OGT: variants seen among roughly 807,000 people sequenced by gnomAD.
OGT encodes O-linked N-acetylglucosamine (GlcNAc) transferase, also known as UDP-N-acetylglucosamine--peptide N-acetylglucosaminyltransferase 110 kDa subunit.
OGT carries 3 observed loss-of-function variants against 75.8 expected under a neutral mutation model. The observed-to-expected ratio is 0.04, with a 90% CI of 0.02 to 0.10. The LOEUF (loss-of-function observed/expected upper bound fraction) is 0.10, where lower values mean the gene tolerates loss of function less well. Among genes scored for constraint, OGT ranks in the 10% least tolerant of loss-of-function variants. The pLI is 1.00. For missense variants in OGT, 260 were observed against 824.4 expected (o/e 0.32, Z 8.38); for synonymous variants, 257 against 289.7 (o/e 0.89, Z 1.15).
chrX:71,563,299 C>G (rs1220532599), intron 17 of OGT, 30 bp from the exon 18 acceptor site: 1 of 1,202,529 alleles, frequency 8.3e-7, no homozygotes, highest in African/African-American at 1.8e-5. Flanking sequence ...CATTCACGAT[C>G]TTTTCCCTAA....
intron 1 of OGT, 118 bp from the exon 2 acceptor site, chrX:71,536,060 A>T (rs2040173495): frequency 1.8e-6 from 1 of 556,397 alleles, no homozygotes. Flanking sequence ...TGCTTTACAT[A>T]GTTTCAAGCA....
chrX:71,553,655 G>C (rs1234187252), intron 5 of OGT: 3 of 108,624 alleles, frequency 2.8e-5, no homozygotes, highest in African/African-American at 1.0e-4. Flanking sequence ...GGTAATTTTT[G>C]TATTTTTAGT....
chrX:71,571,308 A>G (rs901573419), intron 21 of OGT, among the ~76,000 whole-genome samples: 2 of 111,966 alleles, frequency 1.8e-5, no homozygotes, highest in Non-Finnish European at 3.8e-5. Context: ...TCATCTGCCA[A>G]TCCATCTTAT....
At chrX:71,568,883 A>C (rs768862689) in intron 21 of OGT, among the ~76,000 whole-genome samples, 1 of 111,313 alleles carries the variant, frequency 9.0e-6, no homozygotes, top group Non-Finnish European at 1.9e-5. Context: ...AACAAACAAA[A>C]AAAACCAAAA....
chrX:71,567,811 G>A (rs2040426078), intron 20 of OGT, 59 bp downstream of exon 20: 2 of 1,127,531 alleles, frequency 1.8e-6, no homozygotes, highest in South Asian at 2.1e-5. Context: ...TCCGTTTGGG[G>A]GAGAAACTTC....
intron 7 of OGT, 94 bp downstream of exon 7, chrX:71,555,479 C>A: frequency 1.2e-6 from 1 of 805,385 alleles, no homozygotes; most frequent in Non-Finnish European, 1.8e-6. Context: ...GCCAGCACTT[C>A]GGGAGGCCGA....
chrX:71,534,740 C>G (rs1331772552), intron 1 of OGT, among the ~76,000 whole-genome samples: 1 of 111,673 alleles, frequency 9.0e-6, no homozygotes, highest in East Asian at 2.8e-4. Flanking sequence ...AGAAAGCTGT[C>G]GTTTCAAGTG....
chrX:71,549,107 C>T (rs2040282568), intron 5 of OGT, among the ~76,000 whole-genome samples: 2 of 107,190 alleles, frequency 1.9e-5, no homozygotes, highest in Non-Finnish European at 3.8e-5. Flanking sequence ...GAGTTGAAAA[C>T]CAGCCTGGAC....
At chrX:71,570,941 A>C (rs1247561457) in intron 21 of OGT, among the ~76,000 whole-genome samples, 1 of 106,163 alleles carries the variant, frequency 9.4e-6, no homozygotes, top group Non-Finnish European at 1.9e-5. Flanking sequence ...CTACAGGCAC[A>C]TGCCACCATG....
intron 14 of OGT, among the ~76,000 whole-genome samples, chrX:71,561,221 C>T (rs992914500): frequency 2.7e-5 from 3 of 110,886 alleles, no homozygotes; most frequent in Non-Finnish European, 5.7e-5. Context: ...AGCCACCATG[C>T]CCGGCCTACT....
In OGT at chrX:71,555,950, C is replaced by G. The variant is rs1569427900; in HGVS notation, c.925-4C>G. ...GTTTTTGAAGACTTTGTTTTGTTTTCTAGGTTGCTGAAGCAGAAGATTGTT... is the reference window on the plus strand; with the variant it reads ...GTTTTTGAAGACTTTGTTTTGTTTTGTAGGTTGCTGAAGCAGAAGATTGTT... On this transcript the variant is annotated splice_region_variant and splice_polypyrimidine_tract_variant and intron_variant, in intron 7 of 21. Transcript: ENST00000373719. The G allele has an allele frequency of 8.3e-7, 1 of 1,208,099 alleles. No individual in the cohort carries two copies. The highest frequency in any genetic ancestry group is 1.7e-5 in the African/African-American group (1 of 57,198).
In OGT at chrX:71,563,369, A is replaced by G; in HGVS notation, c.2306A>G (p.Asn769Ser). 1 of 1,207,968 alleles carries G rather than the reference A, an allele frequency of 8.3e-7. No homozygotes were observed. The change falls in exon 18 of 22, where the codon AAC (asparagine) becomes AGC (serine). Residue 769 changes from asparagine to serine, a missense_variant. By Grantham distance (46) the Asn-to-Ser change is conservative (BLOSUM62 1). This residue lies in a region of OGT where 79 missense variants were observed against 141.0 expected (regional missense o/e 0.56). Coordinates refer to ENST00000373719, the MANE Select transcript of OGT (RefSeq NM_181672.3). ...PDGGDNADSSNTALNMPVIPM... is the reference protein window; with the variant it reads ...PDGGDNADSSSTALNMPVIPM... ...GGAGGAGACAATGCAGATAGCAGTA[A>G]CACAGCTCTTAATATGCCTGTTATT...
intron 2 of OGT, chrX:71,536,671 C>T (rs2040177904): frequency 5.4e-6 from 1 of 186,470 alleles, no homozygotes; most frequent in African/African-American, 3.0e-5. Context: ...GTCTCCCTTT[C>T]ATGAGACCTG....
intron 7 of OGT, 34 bp from the exon 8 acceptor site, chrX:71,555,920 G>A (rs2040340422): frequency 8.3e-7 from 1 of 1,204,307 alleles, no homozygotes; most frequent in Non-Finnish European, 1.1e-6. Context: ...TTATGATTCT[G>A]TACAGTTTTT....
rs759350075 is a variant in OGT at position 71,544,354 on chromosome X, C to T, written c.463-213C>T. ...AATTCTATAAATAGTTTCATGTCAC[C>T]TCAAGTCAGGTTTAACCCTCAAATG... On this transcript the variant is annotated intron_variant, in intron 3 of 21. Transcript: ENST00000373719. 4.5e-5 allele frequency among the ~76,000 whole-genome samples: 5 copies of T among 111,883 alleles called. No individual in the cohort carries two copies. The East Asian group carries it at 1.1e-3, about 25-fold the overall frequency.
At chrX:71,566,139 A>G (rs2040415105) in intron 19 of OGT, among the ~76,000 whole-genome samples, 1 of 111,884 alleles carries the variant, frequency 8.9e-6, no homozygotes, top group Non-Finnish European at 1.9e-5. Flanking sequence ...TTTTATGTTT[A>G]GAGGAGAGGG....
In OGT at chrX:71,562,972, C is replaced by T. The variant is rs141039391; in HGVS notation, c.2103C>T (p.His701=). 1 of 1,208,513 alleles carries T rather than the reference C, an allele frequency of 8.3e-7. No homozygotes were observed. Among genetic ancestry groups the T allele is most frequent in the East Asian group, 3.0e-5 (1 of 33,727 alleles). ...QYSEKLAYMP[H]TFFIGDHANM... ...CCGAGAAATTGGCTTATATGCCCCA[C>T]ACTTTTTTTATTGGTGATCATGCTA... The change falls in exon 16 of 22, where the codon CAC becomes CAT. Residue 701 remains histidine (H), a synonymous_variant. Coordinates refer to ENST00000373719, the MANE Select transcript of OGT (RefSeq NM_181672.3).
intron 1 of OGT, among the ~76,000 whole-genome samples, chrX:71,533,960 G>A (rs952062594): frequency 9.0e-6 from 1 of 111,489 alleles, no homozygotes. Flanking sequence ...TCGGTTGAGC[G>A]GTCCCGGTTT....
chrX:71,533,361 G>A lies in OGT; in HGVS notation c.37+25G>A. On this transcript the variant is annotated intron_variant, in intron 1 of 21. Coordinates refer to ENST00000373719, the MANE Select transcript of OGT (RefSeq NM_181672.3). ...GGTACCGGTGTCCCGTTCTACCTTG[G>A]CAGATGCCCCCTTGGGGTCTCGCGC... is the stretch of plus-strand genomic sequence containing the variant. 3 of 1,178,169 alleles carry A rather than the reference G, an allele frequency of 2.5e-6. No homozygotes were observed. In the South Asian group the frequency reaches 5.6e-5, roughly 22 times the overall value.
Sources: gnomAD v4.1 joint callset for allele counts (sites outside exome capture counted in the v4.1 genomes callset) on GRCh38, gnomAD v4.1.1 for gene constraint, gnomAD v4.1.1 regional missense constraint, MANE v1.5 for transcripts, NCBI Gene and HGNC (gene_info 2026-07-23, HGNC 2026-07-21) for gene names.